CTNNA3: variants seen among roughly 807,000 people sequenced by gnomAD.
CTNNA3 encodes catenin alpha-3.
In CTNNA3, 76 loss-of-function variants were observed where a neutral mutation model predicts 95.7. The ratio of observed to expected loss-of-function variants is 0.79; its 90% confidence interval spans 0.66 to 0.96. The LOEUF is 0.96. CTNNA3 is among the 40% of genes least tolerant of loss of function. The pLI, the probability that CTNNA3 is intolerant of heterozygous loss-of-function variation, is 0.00. For missense variants in CTNNA3, 1,191 were observed against 1,089.8 expected (o/e 1.09, Z -1.31); for synonymous variants, 431 against 374.4 (o/e 1.15, Z -1.74).
At chr10:66,685,716 A>G (rs973063154) in intron 9 of CTNNA3, among the ~76,000 whole-genome samples, 1 of 151,880 alleles carries the variant, frequency 6.6e-6, no homozygotes, top group Non-Finnish European at 1.5e-5. Context: ...TAAACAAGAT[A>G]TTTAAAATGA....
At chr10:66,425,706 A>ACACACACATATATATT (rs1253030567) in intron 11 of CTNNA3, among the ~76,000 whole-genome samples, 4 of 152,108 alleles carry the variant, frequency 2.6e-5, no homozygotes, top group African/African-American at 9.7e-5. Context: ...ACACATATAT[A>ACACACACATATATATT]CACACACATA....
chr10:66,001,196 A>G (rs889999665), intron 15 of CTNNA3, among the ~76,000 whole-genome samples: 3 of 152,104 alleles, frequency 2.0e-5, no homozygotes, highest in Middle Eastern at 3.2e-3. Flanking sequence ...TGGCCCCAGT[A>G]GCCTACAGTC....
At chr10:67,372,077 T>G (rs1843487855) in intron 5 of CTNNA3, among the ~76,000 whole-genome samples, 2 of 151,686 alleles carry the variant, frequency 1.3e-5, no homozygotes, top group South Asian at 4.2e-4. Flanking sequence ...GATGGGTTGT[T>G]TTTTTTTTCT....
chr10:66,713,337 G>T (rs1295271722), intron 9 of CTNNA3, among the ~76,000 whole-genome samples: 1 of 151,992 alleles, frequency 6.6e-6, no homozygotes, highest in Non-Finnish European at 1.5e-5. Flanking sequence ...TTCAGTTTTG[G>T]TTCCCAAAGT....
At chr10:67,072,299 T>C (rs1166165244) in intron 7 of CTNNA3, among the ~76,000 whole-genome samples, 2 of 152,222 alleles carry the variant, frequency 1.3e-5, no homozygotes, top group African/African-American at 2.4e-5. Context: ...TCGAATTTTC[T>C]TTTCCTTCAC....
intron 5 of CTNNA3, among the ~76,000 whole-genome samples, chr10:67,405,908 C>A (rs767403213): frequency 3.9e-5 from 6 of 152,026 alleles, no homozygotes; most frequent in Non-Finnish European, 7.4e-5. Context: ...TGCATTCAAA[C>A]CCACATAATA....
rs555300272 is a variant in CTNNA3, at chr10:67,192,754, A to G, written c.844-12234T>C. Among the ~76,000 whole-genome samples the G allele has an allele frequency of 7.2e-5, 11 of 152,102 alleles. 1 individual carries two copies. The South Asian group carries it at 2.1e-3, about 29-fold the overall frequency. On this transcript the variant is annotated intron_variant, in intron 6 of 17. Coordinates refer to ENST00000433211, the MANE Select transcript of CTNNA3 (RefSeq NM_013266.4). ...ATCTAGCAATTCCACTTCTGAATTT[A>G]TATCTGAAGGAATTAAGTAGCTTGA...
intron 1 of CTNNA3, among the ~76,000 whole-genome samples, chr10:67,721,686 A>C (rs1016650964): frequency 6.6e-6 from 1 of 151,942 alleles, no homozygotes; most frequent in African/African-American, 2.4e-5. Flanking sequence ...TTCTCCATCA[A>C]GTTTTGTTCT....
intron 7 of CTNNA3, among the ~76,000 whole-genome samples, chr10:66,963,555 T>C (rs7895022): frequency 0.17 from 26,206 of 152,056 alleles, 2,370 homozygotes; most frequent in Middle Eastern, 0.19. Context: ...TGTGATCAGA[T>C]GAACTGATCA....
chr10:67,620,139 G>A (rs1012184452), intron 2 of CTNNA3, among the ~76,000 whole-genome samples: 2 of 152,122 alleles, frequency 1.3e-5, no homozygotes, highest in Non-Finnish European at 1.5e-5. Context: ...CTGGGACTTC[G>A]AATCTGAAGC....
chr10:67,550,338 T>C (rs1263941692), intron 3 of CTNNA3, among the ~76,000 whole-genome samples: 2 of 152,122 alleles, frequency 1.3e-5, no homozygotes, highest in African/African-American at 4.8e-5. Flanking sequence ...GAGGTATGAA[T>C]TTTCTCCTCA....
At chr10:67,700,559 G>A (rs984631522), upstream of CTNNA3, among the ~76,000 whole-genome samples, 5 of 152,216 alleles carry the variant, frequency 3.3e-5, no homozygotes, top group African/African-American at 1.2e-4. Context: ...ACCTGCAGCT[G>A]AGGGTCCTGA....
intron 9 of CTNNA3, among the ~76,000 whole-genome samples, chr10:66,624,428 C>T (rs1844861133): frequency 6.6e-6 from 1 of 152,096 alleles, no homozygotes; most frequent in Admixed American, 6.6e-5. Context: ...AAATTTCATA[C>T]TCTCAGAGGT....
At position 67,069,670 on chromosome 10, in the gene CTNNA3, C is replaced by G. The variant is rs148719114; in HGVS notation, c.1047+110647G>C. Among the ~76,000 whole-genome samples the G allele has an allele frequency of 4.5e-3, 671 of 149,822 alleles. 5 individuals carry two copies. Among genetic ancestry groups the G allele is most frequent in the African/African-American group, 0.015 (625 of 40,556 alleles). On this transcript the variant is annotated intron_variant, in intron 7 of 17. Coordinates refer to ENST00000433211, the MANE Select transcript of CTNNA3 (RefSeq NM_013266.4). ...TTTGAAATGTCTATAAGTAGAATCA[C>G]TCAGTATATACTCTGTTGTGTCTGA...
At chr10:67,095,317 C>T (rs1050043118) in intron 7 of CTNNA3, among the ~76,000 whole-genome samples, 3 of 151,672 alleles carry the variant, frequency 2.0e-5, no homozygotes, top group African/African-American at 7.2e-5. Context: ...AAGTTCCATC[C>T]TAATTTCAGA....
intron 7 of CTNNA3, among the ~76,000 whole-genome samples, chr10:66,937,539 C>T (rs1384367565): frequency 6.6e-6 from 1 of 152,084 alleles, no homozygotes; most frequent in Non-Finnish European, 1.5e-5. Context: ...ATAACAGACT[C>T]CTGGTGGACT....
At chr10:67,759,328 G>A (rs1004529257) in intron 1 of CTNNA3, among the ~76,000 whole-genome samples, 1 of 152,134 alleles carries the variant, frequency 6.6e-6, no homozygotes, top group Non-Finnish European at 1.5e-5. Context: ...TAAAATTACA[G>A]AAAAGAAATC....
chr10:66,062,155 T>C (rs2080213868), intron 15 of CTNNA3, among the ~76,000 whole-genome samples: 1 of 152,142 alleles, frequency 6.6e-6, no homozygotes, highest in Non-Finnish European at 1.5e-5. Context: ...AGAAAACATG[T>C]TTTTCTCAAG....
intron 7 of CTNNA3, among the ~76,000 whole-genome samples, chr10:67,150,521 AT>A (rs1464106364): frequency 6.6e-6 from 1 of 152,228 alleles, no homozygotes; most frequent in Non-Finnish European, 1.5e-5. Flanking sequence ...TGTTAGTAAC[AT>A]TCTTGCAGAT....
Sources: gnomAD v4.1 joint callset for allele counts (sites outside exome capture counted in the v4.1 genomes callset) on GRCh38, gnomAD v4.1.1 for gene constraint, MANE v1.5 for transcripts, NCBI Gene and HGNC (gene_info 2026-07-23, HGNC 2026-07-21) for gene names.